Variants in KALRN observed in about 807,000 individuals in gnomAD.
The protein encoded by KALRN is kalirin RhoGEF kinase.
KALRN carries 70 observed loss-of-function variants against 353.7 expected under a neutral mutation model. The ratio of observed to expected loss-of-function variants is 0.20; its 90% confidence interval spans 0.16 to 0.24. The LOEUF is 0.24. KALRN is among the 10% of genes least tolerant of loss of function. The pLI is 1.00. For synonymous variants in KALRN, 1,391 were observed against 1,434.8 expected, an observed-to-expected ratio of 0.97 and a Z score of 0.69; for missense variants, 2,791 against 3,756.7, an observed-to-expected ratio of 0.74 and a Z score of 6.72.
At chr3:124,156,182 G>C (rs1365372769) in intron 1 of KALRN, among the ~76,000 whole-genome samples, 2 of 152,208 alleles carry the variant, frequency 1.3e-5, no homozygotes, top group African/African-American at 4.8e-5. Context: ...GCACCTTTAA[G>C]TTCAGGGAGT....
chr3:124,419,519 A>C (rs1576769619), intron 14 of KALRN, among the ~76,000 whole-genome samples: 1 of 152,098 alleles, frequency 6.6e-6, no homozygotes, highest in South Asian at 2.1e-4. Flanking sequence ...CCACCACAGC[A>C]TATGACCTCA....
At chr3:124,050,331 G>A (rs2040906653) in intron 1 of KALRN, among the ~76,000 whole-genome samples, 1 of 152,208 alleles carries the variant, frequency 6.6e-6, no homozygotes, top group South Asian at 2.1e-4. Flanking sequence ...GAACAAAGAA[G>A]CATATGGATC....
At chr3:124,528,434 A>T (rs372498289) in intron 33 of KALRN, among the ~76,000 whole-genome samples, 1 of 152,324 alleles carries the variant, frequency 6.6e-6, no homozygotes, top group South Asian at 2.1e-4. Context: ...GGGTAAATGT[A>T]GCTTCCCTAT....
chr3:124,040,324 A>G (rs2039841401), intron 1 of KALRN, among the ~76,000 whole-genome samples: 2 of 152,188 alleles, frequency 1.3e-5, no homozygotes, highest in East Asian at 3.8e-4. Context: ...TGGTTCTGGT[A>G]TTTGATAGTT....
chr3:124,391,708 G>A (rs775461639), intron 11 of KALRN, among the ~76,000 whole-genome samples: 3 of 152,178 alleles, frequency 2.0e-5, no homozygotes, highest in Non-Finnish European at 4.4e-5. Context: ...CTACCTTATG[G>A]TGCTAAATCT....
intron 45 of KALRN, 29 bp downstream of exon 45, chr3:124,661,957 ACT>A: frequency 6.4e-7 from 1 of 1,571,442 alleles, no homozygotes; most frequent in African/African-American, 1.4e-5. Flanking sequence ...GTCTAAGCCC[ACT>A]CTCTCCAGGA....
intron 1 of KALRN, among the ~76,000 whole-genome samples, chr3:124,227,439 G>T (rs1456022879): frequency 6.6e-6 from 1 of 152,108 alleles, no homozygotes; most frequent in Non-Finnish European, 1.5e-5. Flanking sequence ...GAGTTTTGTG[G>T]TTTACTTTCC....
intron 6 of KALRN, among the ~76,000 whole-genome samples, chr3:124,316,541 T>G (rs2078830928): frequency 6.6e-6 from 1 of 152,234 alleles, no homozygotes; most frequent in Admixed American, 6.5e-5. Flanking sequence ...AAGACATTCC[T>G]GCCTCACGGC....
intron 1 of KALRN, among the ~76,000 whole-genome samples, chr3:124,180,109 G>T (rs1208415963): frequency 1.3e-5 from 2 of 152,186 alleles, no homozygotes; most frequent in Middle Eastern, 3.2e-3. Context: ...TGTGGTGGGG[G>T]TATGTTCAAC....
At chr3:124,493,956 A>G (rs1162744603) in intron 32 of KALRN, among the ~76,000 whole-genome samples, 1 of 152,218 alleles carries the variant, frequency 6.6e-6, no homozygotes, top group African/African-American at 2.4e-5. Context: ...AAAGTCTAGC[A>G]GTGGAGACAG....
At chr3:124,247,286 A>AT (rs1423978202) in intron 3 of KALRN, among the ~76,000 whole-genome samples, 1 of 152,120 alleles carries the variant, frequency 6.6e-6, no homozygotes, top group African/African-American at 2.4e-5. Flanking sequence ...TAAATCTGGG[A>AT]TTTTCCAAGC....
intron 3 of KALRN, among the ~76,000 whole-genome samples, chr3:124,255,392 T>C (rs1035860661): frequency 1.3e-5 from 2 of 152,212 alleles, no homozygotes; most frequent in Non-Finnish European, 2.9e-5. Flanking sequence ...CCACCTCTCC[T>C]TCTAGAATGA....
chr3:124,317,742 G>A (rs1310568741), intron 6 of KALRN, among the ~76,000 whole-genome samples: 19 of 149,436 alleles, frequency 1.3e-4, no homozygotes, highest in Admixed American at 8.7e-4. Flanking sequence ...AAAAAAAGGC[G>A]GGGGCTGGGG....
chr3:124,698,473 C>T (rs925052744), intron 55 of KALRN, among the ~76,000 whole-genome samples: 4 of 152,198 alleles, frequency 2.6e-5, no homozygotes, highest in Non-Finnish European at 5.9e-5. Flanking sequence ...CCAAACCTCC[C>T]TGACATATTT....
intron 1 of KALRN, among the ~76,000 whole-genome samples, chr3:124,059,028 G>T (rs2041795669): frequency 6.6e-6 from 1 of 151,970 alleles, no homozygotes; most frequent in Admixed American, 6.6e-5. Context: ...CCTCTTCCTT[G>T]TCCCTTCCTT....
intron 1 of KALRN, among the ~76,000 whole-genome samples, chr3:124,074,942 A>G (rs1559907717): frequency 6.6e-6 from 1 of 152,216 alleles, no homozygotes; most frequent in Non-Finnish European, 1.5e-5. Flanking sequence ...TATGTAAATT[A>G]AATTTATGTA....
At chr3:124,143,805 T>TA (rs2066938906) in intron 1 of KALRN, among the ~76,000 whole-genome samples, 1 of 152,222 alleles carries the variant, frequency 6.6e-6, no homozygotes, top group Non-Finnish European at 1.5e-5. Context: ...CTCTAATGTA[T>TA]ATTTGTTCAA....
intron 5 of KALRN, among the ~76,000 whole-genome samples, chr3:124,278,411 CAG>C (rs1486333286): frequency 1.3e-5 from 2 of 150,742 alleles, no homozygotes; most frequent in African/African-American, 2.4e-5. Flanking sequence ...GTAGGGGAAA[CAG>C]GGGAAAGGTT....
chr3:124,330,940 C>T (rs1177032340), intron 8 of KALRN, among the ~76,000 whole-genome samples: 3 of 152,178 alleles, frequency 2.0e-5, no homozygotes, highest in African/African-American at 7.2e-5. Context: ...ATTTTAATAA[C>T]TATTACCCTA....
Sources: allele counts gnomAD v4.1 joint callset (sites outside exome capture counted in the v4.1 genomes callset), GRCh38; gene constraint gnomAD v4.1.1; transcripts MANE v1.5; gene names NCBI Gene and HGNC (gene_info 2026-07-23, HGNC 2026-07-21).